The following ZPBP variants were observed in gnomAD, a reference collection of about 807,000 sequenced individuals.
The protein encoded by ZPBP is zona pellucida binding protein, also known as zona pellucida-binding protein 1.
Under a neutral mutation model 44.8 loss-of-function variants are expected in ZPBP, and 26 were observed. The observed-to-expected ratio is 0.58, with a 90% CI of 0.43 to 0.81. ZPBP has a LOEUF of 0.81. ZPBP is among the 30% of genes least tolerant of loss of function. The pLI is 0.00. For missense variants in ZPBP, 409 were observed against 434.0 expected, an observed-to-expected ratio of 0.94 and a Z score of 0.51; for synonymous variants, 174 against 153.2, an observed-to-expected ratio of 1.14 and a Z score of -1.00.
At chr7:49,881,592 G>A (rs1215714200) in intron 2 of ZPBP, among the ~76,000 whole-genome samples, 3 of 152,046 alleles carry the variant, frequency 2.0e-5, no homozygotes, top group Non-Finnish European at 2.9e-5. Flanking sequence ...GTGCTGTATC[G>A]TTTCTTTGAA....
intron 6 of ZPBP, among the ~76,000 whole-genome samples, chr7:50,011,440 C>CA (rs928237023): frequency 6.6e-6 from 1 of 152,082 alleles, no homozygotes; most frequent in African/African-American, 2.4e-5. Flanking sequence ...ATGTTGCCCA[C>CA]AAAGTCTAAA....
At chr7:49,892,031 A>ATTG (rs1792154268) in intron 2 of ZPBP, among the ~76,000 whole-genome samples, 2 of 53,288 alleles carry the variant, frequency 3.8e-5, no homozygotes, top group African/African-American at 1.5e-4. Flanking sequence ...GACAAAGTAG[A>ATTG]TTTTTTTTTT....
intron 7 of ZPBP, 68 bp downstream of exon 7, chr7:49,983,274 A>T: frequency 7.1e-7 from 1 of 1,417,434 alleles, no homozygotes; most frequent in Non-Finnish European, 9.9e-7. Flanking sequence ...ATATGCATTC[A>T]CTTAGGCTTA....
intron 1 of ZPBP, among the ~76,000 whole-genome samples, chr7:50,090,497 G>A (rs1172838463): frequency 1.3e-5 from 2 of 151,458 alleles, no homozygotes; most frequent in African/African-American, 2.4e-5. Flanking sequence ...GTGTGTATAT[G>A]AGTGTATATA....
At chr7:49,945,022 C>G (rs571741931) in intron 7 of ZPBP, among the ~76,000 whole-genome samples, 2 of 152,120 alleles carry the variant, frequency 1.3e-5, no homozygotes, top group South Asian at 4.2e-4. Flanking sequence ...TGCTGTATCC[C>G]ACAGGTTTAG....
intron 3 of ZPBP, among the ~76,000 whole-genome samples, chr7:50,075,855 A>G (rs953111973): frequency 6.6e-6 from 1 of 151,976 alleles, no homozygotes; most frequent in African/African-American, 2.4e-5. Context: ...TCCTACTCAA[A>G]CAATTCTGAA....
At chr7:49,853,714 T>C (rs540499247) in intron 2 of ZPBP, among the ~76,000 whole-genome samples, 25 of 152,252 alleles carry the variant, frequency 1.6e-4, no homozygotes, top group African/African-American at 3.6e-4. Context: ...AAACATTTAA[T>C]TTTTTATTTT....
chr7:49,857,573 G>A (rs979331100), intron 2 of ZPBP, among the ~76,000 whole-genome samples: 1 of 152,038 alleles, frequency 6.6e-6, no homozygotes, highest in African/African-American at 2.4e-5. Flanking sequence ...AATCATCAGG[G>A]AAATGCAAAT....
intron 2 of ZPBP, among the ~76,000 whole-genome samples, chr7:49,871,908 AACACACACACACACACACAC>A (rs72332840): frequency 0.043 from 3,783 of 87,906 alleles, 102 homozygotes; most frequent in Middle Eastern, 0.081. Flanking sequence ...TGTGTATATA[AACACACACACACACACACAC>A]ACACACACAC....
intron 2 of ZPBP, among the ~76,000 whole-genome samples, chr7:49,851,854 TAAAAAAA>T (rs77423510): frequency 7.3e-6 from 1 of 136,398 alleles, no homozygotes; most frequent in Non-Finnish European, 1.6e-5. Flanking sequence ...AGACTCTGTC[TAAAAAAA>T]AAAAAAAGTC....
At chr7:49,842,215 T>A in the ZPBP span, among the ~76,000 whole-genome samples, 1 of 152,170 alleles carries the variant, frequency 6.6e-6, no homozygotes, top group Non-Finnish European at 1.5e-5. Context: ...AAATACTTGA[T>A]AAATACATGT....
chr7:50,078,992 A>G (rs1802238603), intron 3 of ZPBP, among the ~76,000 whole-genome samples: 2 of 151,166 alleles, frequency 1.3e-5, no homozygotes, highest in East Asian at 1.9e-4. Context: ...AACAAAAAAA[A>G]AGAGAGAGAA....
intron 7 of ZPBP, among the ~76,000 whole-genome samples, chr7:49,960,182 G>A (rs1194648301): frequency 6.6e-6 from 1 of 152,150 alleles, no homozygotes; most frequent in Non-Finnish European, 1.5e-5. Context: ...CACTTTAGGA[G>A]GCTGAGGTGG....
At position 49,911,480 on chromosome 7, in the gene ZPBP, C is replaced by CAAAA. The variant is rs34782644; in HGVS notation, n.412-10269_412-10266dup. 2.1e-4 allele frequency among the ~76,000 whole-genome samples: 15 copies of CAAAA among 71,582 alleles called. 1 individual carries two copies. The highest frequency in any genetic ancestry group is 5.0e-4 in the African/African-American group (8 of 16,134). The allele number at this position is 71,582 out of a possible 152,430, so 47.0% of individuals were successfully genotyped here. A position where few individuals can be genotyped will look rare whatever the true frequency, so the allele number is the denominator to read the frequency against. On this transcript the variant is annotated intron_variant and non_coding_transcript_variant, in intron 1 of 2. Coordinates refer to the ZPBP transcript ENST00000465922. ...CTGGTGACAGAGCAAGACTCTGTCT[C>CAAAA]AAAAAAAAAAAAAAAAAAAAAAATT... is the stretch of plus-strand genomic sequence containing the variant.
intron 7 of ZPBP, among the ~76,000 whole-genome samples, chr7:49,982,705 A>T (rs1797084917): frequency 6.6e-6 from 1 of 151,886 alleles, no homozygotes; most frequent in Admixed American, 6.6e-5. Context: ...GTATAAATTT[A>T]GTGATATTAG....
At chr7:49,987,509 G>A (rs571891386) in intron 6 of ZPBP, among the ~76,000 whole-genome samples, 1 of 152,106 alleles carries the variant, frequency 6.6e-6, no homozygotes, top group Non-Finnish European at 1.5e-5. Flanking sequence ...AGGAGTCCTA[G>A]GAATTAGAGG....
At chr7:49,972,195 G>A (rs1158442589) in intron 7 of ZPBP, among the ~76,000 whole-genome samples, 2 of 151,386 alleles carry the variant, frequency 1.3e-5, no homozygotes, top group African/African-American at 4.8e-5. Flanking sequence ...GGGCAAGGGT[G>A]TCTACTATCC....
chr7:50,070,960 G>A (rs1335317575), intron 3 of ZPBP, among the ~76,000 whole-genome samples: 1 of 152,212 alleles, frequency 6.6e-6, no homozygotes, highest in Admixed American at 6.5e-5. Flanking sequence ...CAGAAAAACA[G>A]GCAGTTAATT....
At chr7:49,906,437 G>A (rs1466527260) in intron 1 of ZPBP, among the ~76,000 whole-genome samples, 1 of 151,954 alleles carries the variant, frequency 6.6e-6, no homozygotes, top group Non-Finnish European at 1.5e-5. Context: ...CTGGGTTCAC[G>A]CCATTTTCCT....
Sources: gnomAD v4.1 joint callset for allele counts (sites outside exome capture counted in the v4.1 genomes callset) on GRCh38, gnomAD v4.1.1 for gene constraint, MANE v1.5 for transcripts, NCBI Gene and HGNC (gene_info 2026-07-23, HGNC 2026-07-21) for gene names.